Variants in SHANK2 observed in about 807,000 individuals in gnomAD.
SHANK2 encodes SH3 and multiple ankyrin repeat domains 2.
A neutral mutation model predicts 133.7 loss-of-function variants in SHANK2; 43 were observed. The ratio of observed to expected loss-of-function variants is 0.32; its 90% confidence interval spans 0.25 to 0.41. SHANK2 has a LOEUF of 0.41. SHANK2 is among the 10% of genes least tolerant of loss of function. The pLI, the probability that SHANK2 is intolerant of heterozygous loss-of-function variation, is 1.00. For synonymous variants in SHANK2, 1,017 were observed against 952.8 expected, an observed-to-expected ratio of 1.07 and a Z score of -1.24; for missense variants, 1,994 against 2,235.8, an observed-to-expected ratio of 0.89 and a Z score of 2.18.
intron 25 of SHANK2, among the ~76,000 whole-genome samples, chr11:70,480,689 G>A (rs1555151307): frequency 6.6e-6 from 1 of 152,266 alleles, no homozygotes; most frequent in African/African-American, 2.4e-5. Flanking sequence ...AATGATTAGT[G>A]ACGGAATTGC....
intron 10 of SHANK2, among the ~76,000 whole-genome samples, chr11:70,932,070 G>A (rs949508822): frequency 3.3e-5 from 5 of 152,048 alleles, no homozygotes; most frequent in African/African-American, 1.2e-4. Context: ...ATCTTCCATC[G>A]GAAATGAGTG....
At chr11:70,835,795 T>C (rs1948805638) in intron 11 of SHANK2, among the ~76,000 whole-genome samples, 1 of 152,166 alleles carries the variant, frequency 6.6e-6, no homozygotes, top group Non-Finnish European at 1.5e-5. Context: ...ATCTGTAGAA[T>C]AGGGTGACCA....
At chr11:70,520,223 T>C (rs1226858952) in intron 17 of SHANK2, among the ~76,000 whole-genome samples, 1 of 152,194 alleles carries the variant, frequency 6.6e-6, no homozygotes, top group African/African-American at 2.4e-5. Flanking sequence ...ATATATTTCA[T>C]TAACTAAAGC....
At chr11:70,738,621 T>C (rs1406023367) in intron 14 of SHANK2, among the ~76,000 whole-genome samples, 2 of 152,140 alleles carry the variant, frequency 1.3e-5, no homozygotes, top group East Asian at 1.9e-4. Context: ...AAGGGACCAA[T>C]GGAAGCACAG....
At chr11:70,708,165 AG>A (rs1231336032) in intron 14 of SHANK2, among the ~76,000 whole-genome samples, 2 of 152,142 alleles carry the variant, frequency 1.3e-5, no homozygotes, top group African/African-American at 4.8e-5. Context: ...AACCCAGCTC[AG>A]GCAAGCTTTG....
At chr11:70,716,131 T>A (rs2134621405) in intron 14 of SHANK2, among the ~76,000 whole-genome samples, 1 of 152,136 alleles carries the variant, frequency 6.6e-6, no homozygotes, top group African/African-American at 2.4e-5. Context: ...CTTAGGGCCC[T>A]CTTTGTGGTC....
At chr11:70,792,295 TCAACCAAC>T (rs34682780) in intron 14 of SHANK2, among the ~76,000 whole-genome samples, 3,239 of 137,216 alleles carry the variant, frequency 0.024, 60 homozygotes, top group Middle Eastern at 0.079. Context: ...AAGCAATCAA[TCAACCAAC>T]CAACCAACCA....
intron 2 of SHANK2, among the ~76,000 whole-genome samples, chr11:71,214,363 C>G (rs1555119346): frequency 6.6e-6 from 1 of 152,192 alleles, no homozygotes; most frequent in Non-Finnish European, 1.5e-5. Context: ...CCCTCTGGAC[C>G]TCCCAGCAAC....
chr11:70,761,204 G>A (rs1462625635), intron 14 of SHANK2, among the ~76,000 whole-genome samples: 2 of 152,190 alleles, frequency 1.3e-5, no homozygotes, highest in Non-Finnish European at 2.9e-5. Flanking sequence ...GCCTTTGGGA[G>A]GTGACTGGGG....
chr11:71,074,450 C>T (rs922368890), intron 9 of SHANK2, among the ~76,000 whole-genome samples: 22 of 152,112 alleles, frequency 1.4e-4, no homozygotes, highest in African/African-American at 3.1e-4. Context: ...TTTTTCTGGA[C>T]GTTGCCTATT....
chr11:71,214,677 C>A (rs1340578608), intron 2 of SHANK2, among the ~76,000 whole-genome samples: 7 of 152,194 alleles, frequency 4.6e-5, no homozygotes, highest in Non-Finnish European at 1.0e-4. Context: ...ACTGTCAGAC[C>A]CTTGGCCCAC....
intron 17 of SHANK2, among the ~76,000 whole-genome samples, chr11:70,539,815 C>T (rs547593862): frequency 2.2e-4 from 33 of 152,294 alleles, no homozygotes; most frequent in African/African-American, 7.0e-4. Flanking sequence ...TAACCACAGA[C>T]GTTCATGTTC....
chr11:70,648,844 A>G (rs2061303650), intron 17 of SHANK2, among the ~76,000 whole-genome samples: 1 of 151,794 alleles, frequency 6.6e-6, no homozygotes, highest in African/African-American at 2.4e-5. Context: ...CCTTTCCTTA[A>G]GGAATATTTA....
rs116847737 is a variant in SHANK2 at position 70,475,890 on chromosome 11, G to T, written c.4980-2451C>A. Among the ~76,000 whole-genome samples, 1,166 of 152,268 alleles carry T rather than the reference G, an allele frequency of 7.7e-3. 7 individuals are homozygous for T. The highest frequency in any genetic ancestry group is 0.012 in the Non-Finnish European group (829 of 68,012). On this transcript the variant is annotated intron_variant, in intron 25 of 25. Transcript: ENST00000601538. ...AGGCACAAGGCAGGTGAGACTCTGA[G>T]GATTCCTCCACTGTTTCTGGGCCCA...
At chr11:70,678,539 T>C (rs1555017737) in intron 15 of SHANK2, among the ~76,000 whole-genome samples, 2 of 138,662 alleles carry the variant, frequency 1.4e-5, no homozygotes, top group African/African-American at 2.8e-5. Flanking sequence ...AGGCTTTTTT[T>C]TTTTTTTTTT....
At chr11:70,505,538 CG>C (rs1233578411) in intron 17 of SHANK2, among the ~76,000 whole-genome samples, 11 of 152,086 alleles carry the variant, frequency 7.2e-5, no homozygotes, top group Non-Finnish European at 1.5e-4. Flanking sequence ...GGGGAGGACT[CG>C]GCCCCACCTT....
chr11:70,856,977 C>G (rs1949181739), intron 11 of SHANK2, among the ~76,000 whole-genome samples: 1 of 152,244 alleles, frequency 6.6e-6, no homozygotes, highest in African/African-American at 2.4e-5. Context: ...CTTAGTCTGA[C>G]AGGGTTGGTG....
chr11:70,787,946 T>C lies in SHANK2; in HGVS notation c.1777+10497A>G, dbSNP rs182778669. On this transcript the variant is annotated intron_variant, in intron 14 of 25. Transcript: ENST00000601538. ...GCATGCCCCCCTCCCAAGTTTACTC[T>C]GAGGATCACATGAGTTACCTATAAA... is the stretch of plus-strand genomic sequence containing the variant. Among the ~76,000 whole-genome samples the C allele has an allele frequency of 1.9e-3, 293 of 152,310 alleles. 2 individuals carry two copies. The highest frequency in any genetic ancestry group is 6.9e-3 in the African/African-American group (287 of 41,560).
chr11:71,217,903 T>G (rs1195054677), intron 2 of SHANK2, among the ~76,000 whole-genome samples: 2 of 152,186 alleles, frequency 1.3e-5, no homozygotes, highest in South Asian at 2.1e-4. Flanking sequence ...CAGGCTGGAG[T>G]GCAGTGGCGC....
Sources: allele counts gnomAD v4.1 joint callset (sites outside exome capture counted in the v4.1 genomes callset), GRCh38; gene constraint gnomAD v4.1.1; transcripts MANE v1.5; gene names NCBI Gene and HGNC (gene_info 2026-07-23, HGNC 2026-07-21).